Variants in SH3PXD2B observed in about 807,000 individuals in gnomAD.
SH3PXD2B encodes SH3 and PX domain-containing protein 2B.
Under a neutral mutation model 73.1 loss-of-function variants are expected in SH3PXD2B, and 37 were observed. The observed-to-expected ratio is 0.51, with a 90% CI of 0.39 to 0.67. The LOEUF is 0.67. Ranked by LOEUF, SH3PXD2B falls within the 30% of genes least tolerant of loss-of-function variation. SH3PXD2B has a pLI of 0.00. For synonymous variants in SH3PXD2B, 457 were observed against 480.5 expected, an observed-to-expected ratio of 0.95 and a Z score of 0.64; for missense variants, 1,053 against 1,197.8, an observed-to-expected ratio of 0.88 and a Z score of 1.78.
intron 8 of SH3PXD2B, among the ~76,000 whole-genome samples, chr5:172,356,103 G>A (rs888040057): frequency 2.0e-5 from 3 of 152,128 alleles, no homozygotes; most frequent in Non-Finnish European, 4.4e-5. Context: ...CCCGCCCACC[G>A]TGACTGGTTT....
Position 172,368,588 on chromosome 5 carries a change from A to T in SH3PXD2B, c.427+5202T>A, listed in dbSNP as rs1428792835. ...TATAAAATATGTTATATATATATATAAAATATGTTATATATATAATATATA... is the reference window on the plus strand; with the variant it reads ...TATAAAATATGTTATATATATATATTAAATATGTTATATATATAATATATA... On this transcript the variant is annotated intron_variant, in intron 6 of 12. Coordinates refer to ENST00000311601, the MANE Select transcript of SH3PXD2B (RefSeq NM_001017995.3). Among the ~76,000 whole-genome samples, 10 of 12,160 alleles carry T rather than the reference A, an allele frequency of 8.2e-4. 1 individual carries two copies. The highest frequency in any genetic ancestry group is 3.3e-3 in the African/African-American group (5 of 1,522). 8.0% of individuals were successfully genotyped at this position (12,160 alleles called of 152,430 possible). A position where few individuals can be genotyped will look rare whatever the true frequency, so the allele number is the denominator to read the frequency against.
chr5:172,335,962 G>C lies in SH3PXD2B; in HGVS notation c.*2407C>G, dbSNP rs555363465. ...AAGAGAATGGCAGATTCTTTCATTT[G>C]CAGGAAAACTTTCTGCCTAGAGGAA... On this transcript the variant is annotated 3_prime_UTR_variant, in exon 13 of 13. Coordinates refer to ENST00000311601, the MANE Select transcript of SH3PXD2B (RefSeq NM_001017995.3). The C allele has an allele frequency of 9.3e-7, 1 of 1,079,936 alleles. No homozygotes were observed. The highest frequency in any genetic ancestry group is 1.6e-5 in the African/African-American group (1 of 60,678). The allele number at this position is 1,079,936 out of a possible 1,614,324, so 66.9% of individuals were successfully genotyped here.
In SH3PXD2B at chr5:172,336,799, G is replaced by A. The variant is rs1326739564; in HGVS notation, c.*1570C>T. 3 of 985,604 alleles carry A rather than the reference G, an allele frequency of 3.0e-6. No individual in the cohort carries two copies. The highest frequency in any genetic ancestry group is 3.6e-6 in the Non-Finnish European group (3 of 830,100). 61.1% of individuals were successfully genotyped at this position (985,604 alleles called of 1,614,324 possible). ...CTGGGCTGGGAGCTAGAAATGCTGG[G>A]TCCTGATTTTGCTTCTGCAGTGATT... is the stretch of plus-strand genomic sequence containing the variant. On this transcript the variant is annotated 3_prime_UTR_variant, in exon 13 of 13. Coordinates refer to ENST00000311601, the MANE Select transcript of SH3PXD2B (RefSeq NM_001017995.3).
intron 3 of SH3PXD2B, among the ~76,000 whole-genome samples, chr5:172,400,061 T>G (rs112176812): frequency 1.3e-5 from 2 of 152,116 alleles, no homozygotes; most frequent in East Asian, 3.8e-4. Context: ...TGTATCCATC[T>G]AGAAACTCAA....
At chr5:172,330,945 A>G (rs1246237751), downstream of SH3PXD2B, among the ~76,000 whole-genome samples, 1 of 152,242 alleles carries the variant, frequency 6.6e-6, no homozygotes, top group Non-Finnish European at 1.5e-5. Context: ...CTGCAATCCC[A>G]GCACTTTGGG....
At chr5:172,345,007 GAGA>G (rs1053132763) in intron 12 of SH3PXD2B, among the ~76,000 whole-genome samples, 1 of 146,940 alleles carries the variant, frequency 6.8e-6, no homozygotes, top group Non-Finnish European at 1.5e-5. Context: ...GGAGGAAAGA[GAGA>G]AGGAGGGAAA....
rs1333050432 is a variant in SH3PXD2B, at chr5:172,454,393, G to C, written c.-41C>G. 7.6e-7 allele frequency: 1 copy of C among 1,311,568 alleles called. No individual in the cohort carries two copies. The highest frequency in any genetic ancestry group is 9.7e-7 in the Non-Finnish European group (1 of 1,025,874). The allele number at this position is 1,311,568 out of a possible 1,614,324, so 81.2% of individuals were successfully genotyped here. A position where few individuals can be genotyped will look rare whatever the true frequency, so the allele number is the denominator to read the frequency against. ...CGCAGCGGGCCGAGCGCGGGTGCGGGTGGCGCGGGGTGCAGGGAGCGCTGG... is the reference window on the plus strand; with the variant it reads ...CGCAGCGGGCCGAGCGCGGGTGCGGCTGGCGCGGGGTGCAGGGAGCGCTGG... On this transcript the variant is annotated 5_prime_UTR_variant, in exon 1 of 13. Coordinates refer to ENST00000311601, the MANE Select transcript of SH3PXD2B (RefSeq NM_001017995.3).
intron 2 of SH3PXD2B, among the ~76,000 whole-genome samples, chr5:172,411,441 G>T (rs575655476): frequency 1.5e-5 from 2 of 130,714 alleles, no homozygotes; most frequent in Non-Finnish European, 3.2e-5. Flanking sequence ...GGAGCTGAAA[G>T]GCCTCCCTTT....
At chr5:172,327,218 C>T (rs547532363) in intron 12 of SH3PXD2B, among the ~76,000 whole-genome samples, 23 of 152,266 alleles carry the variant, frequency 1.5e-4, no homozygotes, top group Middle Eastern at 3.4e-3. Context: ...TTATTATGCG[C>T]TATTAGAAGG....
intron 1 of SH3PXD2B, among the ~76,000 whole-genome samples, chr5:172,439,692 G>GCGCGCGCGCACACACACACACA (rs1554087696): frequency 7.2e-6 from 1 of 138,540 alleles, no homozygotes; most frequent in Non-Finnish European, 1.6e-5. Context: ...GCACGCGCGC[G>GCGCGCGCGCACACACACACACA]CACACACACA....
rs1554135151 is a variant in SH3PXD2B at position 172,348,667 on chromosome 5, C to CTATG, written c.1013-1336_1013-1335insCATA. The stretch of plus-strand genomic sequence containing the variant: ...CTATCTATCTATCCTATCTATCTAT[C>CTATG]TATCTATCTATCTATCTATCTATCT... On this transcript the variant is annotated intron_variant, in intron 10 of 12. Transcript: ENST00000311601. Among the ~76,000 whole-genome samples the CTATG allele has an allele frequency of 3.0e-3, 80 of 26,318 alleles. 2 individuals are homozygous for CTATG. Among genetic ancestry groups the CTATG allele is most frequent in the African/African-American group, 8.4e-3 (76 of 9,032 alleles). The allele number at this position is 26,318 out of a possible 152,430, so 17.3% of individuals were successfully genotyped here.
intron 8 of SH3PXD2B, among the ~76,000 whole-genome samples, chr5:172,354,543 C>A (rs1392209101): frequency 6.6e-6 from 1 of 152,096 alleles, no homozygotes; most frequent in African/African-American, 2.4e-5. Context: ...ATGAGCAAGA[C>A]CTGAAGGCTG....
chr5:172,393,361 C>A (rs1758230365), intron 4 of SH3PXD2B, among the ~76,000 whole-genome samples: 1 of 152,046 alleles, frequency 6.6e-6, no homozygotes, highest in Non-Finnish European at 1.5e-5. Context: ...ATTATTTGTT[C>A]CTAGGATTTA....
At position 172,336,861 on chromosome 5, in the gene SH3PXD2B, C is replaced by T; in HGVS notation, c.*1508G>A. On this transcript the variant is annotated 3_prime_UTR_variant, in exon 13 of 13. Transcript: ENST00000311601. ...CTCCAGACCTCAGTTTGACAGATGA[C>T]CACATCTGCCCTGGGTTTCTTCAAG... 1 of 985,422 alleles carries T rather than the reference C, an allele frequency of 1.0e-6. No homozygotes were observed. The highest frequency in any genetic ancestry group is 1.2e-6 in the Non-Finnish European group (1 of 829,936). The allele number at this position is 985,422 out of a possible 1,614,324, so 61.0% of individuals were successfully genotyped here. A position where few individuals can be genotyped will look rare whatever the true frequency, so the allele number is the denominator to read the frequency against.
chr5:172,376,027 CTTCT>C (rs1446531227), intron 5 of SH3PXD2B, among the ~76,000 whole-genome samples: 4 of 145,608 alleles, frequency 2.7e-5, no homozygotes, highest in African/African-American at 1.1e-4. Context: ...TGTCATGTAT[CTTCT>C]TTTTTTTTTT....
intron 2 of SH3PXD2B, among the ~76,000 whole-genome samples, chr5:172,420,613 C>T (rs367925440): frequency 6.6e-6 from 1 of 152,164 alleles, no homozygotes; most frequent in South Asian, 2.1e-4. Context: ...CACCTCTGTT[C>T]GCGGCAGTTT....
At chr5:172,330,846 A>G (rs1756539759), downstream of SH3PXD2B, among the ~76,000 whole-genome samples, 1 of 152,252 alleles carries the variant, frequency 6.6e-6, no homozygotes, top group African/African-American at 2.4e-5. Flanking sequence ...ACTGTAGTGA[A>G]GATTAAAAGA....
At chr5:172,366,315 T>C (rs1757521763) in intron 6 of SH3PXD2B, among the ~76,000 whole-genome samples, 1 of 152,194 alleles carries the variant, frequency 6.6e-6, no homozygotes, top group South Asian at 2.1e-4. Flanking sequence ...ATCCTGTAAC[T>C]GGTCTCTGTC....
rs140679646 is a variant in SH3PXD2B, at chr5:172,338,977, G to C, written c.2128C>G (p.Gln710Glu). ...CCATCCTGTTTGCCCGTCCTGTCCT[G>C]GGCGCGGCCAGGCCCCTCTCCTGGG... is the stretch of plus-strand genomic sequence containing the variant. ...FLPGEGPGRA[Q>E]DRTGKQDGLS... The change falls in exon 13 of 13, where the codon CAG becomes GAG. Residue 710 changes from glutamine (Q) to glutamate (E), a missense_variant. Gln to Glu is a conservative substitution (Grantham distance 29). Around this residue, in one of 2 missense-constraint regions of SH3PXD2B, gnomAD observed 587 missense variants for 590.7 expected, o/e 0.99. Coordinates refer to ENST00000311601, the MANE Select transcript of SH3PXD2B (RefSeq NM_001017995.3). This position sits in a 1 kb window ranked among gnomAD's most constrained non-coding sequence, Gnocchi z 5.1. 467 of 1,614,132 alleles carry C rather than the reference G, an allele frequency of 2.9e-4. 5 individuals are homozygous for C. In the South Asian group the frequency reaches 4.1e-3, roughly 14 times the overall value.
Sources: gnomAD v4.1 joint callset for allele counts (sites outside exome capture counted in the v4.1 genomes callset) on GRCh38, gnomAD v4.1.1 for gene constraint, gnomAD v4.1.1 regional missense constraint, Gnocchi (gnomAD v3.1) non-coding constraint, MANE v1.5 for transcripts, NCBI Gene and HGNC (gene_info 2026-07-23, HGNC 2026-07-21) for gene names.